Variants in CSF1R observed in about 807,000 individuals in gnomAD.
CSF1R encodes the protein colony stimulating factor 1 receptor, also known as macrophage colony-stimulating factor 1 receptor.
In CSF1R, 40 loss-of-function variants were observed where a neutral mutation model predicts 110.0. The observed-to-expected ratio is 0.36, with a 90% confidence interval of 0.28 to 0.47. CSF1R has a LOEUF of 0.47. Among genes scored for constraint, CSF1R ranks in the 20% least tolerant of loss-of-function variants. The pLI is 0.99. For synonymous variants in CSF1R, 523 were observed against 503.4 expected (o/e 1.04, Z -0.52); for missense variants, 1,052 against 1,253.0 (o/e 0.84, Z 2.42).
chr5:150,054,700 T>TC, intron 19 of CSF1R: 1 of 410,764 alleles, frequency 2.4e-6, no homozygotes, highest in Non-Finnish European at 4.3e-6. Flanking sequence ...TAAAAGTCTG[T>TC]TTAGGGACAG....
intron 10 of CSF1R, among the ~76,000 whole-genome samples, chr5:150,067,779 C>A (rs566937593): frequency 6.6e-6 from 1 of 152,192 alleles, no homozygotes; most frequent in Non-Finnish European, 1.5e-5. Flanking sequence ...GACAGGATCC[C>A]AGGGCTGCGC....
intron 6 of CSF1R, among the ~76,000 whole-genome samples, chr5:150,071,832 T>TGGCCAGAAAG (rs1000634351): frequency 2.0e-5 from 3 of 152,188 alleles, no homozygotes; most frequent in African/African-American, 7.2e-5. Flanking sequence ...GACAGAGACC[T>TGGCCAGAAAG]GGCCAGAAAG....
At chr5:150,066,294 C>G (rs1561919678) in intron 10 of CSF1R, among the ~76,000 whole-genome samples, 1 of 152,194 alleles carries the variant, frequency 6.6e-6, no homozygotes, top group African/African-American at 2.4e-5. Flanking sequence ...TCCCTCACAA[C>G]AGGCTGTTAA....
intron 18 of CSF1R, 69 bp from the exon 19 acceptor site, chr5:150,055,405 C>T (rs1258899297): frequency 4.6e-6 from 6 of 1,318,266 alleles, no homozygotes; most frequent in Non-Finnish European, 6.6e-6. Context: ...CACCCACACA[C>T]ATCTTAGACT....
chr5:150,055,926 A>G (rs910748577), intron 18 of CSF1R, 100 bp downstream of exon 18: 271 of 1,087,108 alleles, frequency 2.5e-4, no homozygotes, highest in Non-Finnish European at 3.5e-4. Flanking sequence ...CACTCTCACC[A>G]ACCCTCGCTG....
intron 1 of CSF1R, among the ~76,000 whole-genome samples, chr5:150,102,174 A>G (rs1759422813): frequency 6.6e-6 from 1 of 152,152 alleles, no homozygotes; most frequent in Admixed American, 6.5e-5. Context: ...GCCGGGTCAA[A>G]GGGTAGGTAC....
intron 1 of CSF1R, among the ~76,000 whole-genome samples, chr5:150,103,634 G>A (rs1759466580): frequency 6.6e-6 from 1 of 152,236 alleles, no homozygotes; most frequent in Non-Finnish European, 1.5e-5. Flanking sequence ...GGGAACAGAA[G>A]ATGGAGAGTC....
At chr5:150,105,209 G>T (rs1266059305) in intron 1 of CSF1R, among the ~76,000 whole-genome samples, 1 of 148,978 alleles carries the variant, frequency 6.7e-6, no homozygotes, top group Admixed American at 6.6e-5. Context: ...TCAGCCAGGC[G>T]TGGTGGCACG....
rs377406801 is a variant in CSF1R, at chr5:150,077,370, G to T, written c.795C>A (p.Leu265=). ...NRYQKVLTLN[L]DQVDFQHAGN... is the part of the protein sequence containing the mutation. Reference sequence around the variant, plus strand: ...CGGCATGTTGGAAATCTACTTGATCGAGGTTGAGGGTCAGGACTTTTTGGT... The same window carrying T: ...CGGCATGTTGGAAATCTACTTGATCTAGGTTGAGGGTCAGGACTTTTTGGT... The change falls in exon 5 of 21, where the codon CTC becomes CTA. Residue 265 remains leucine (L), a synonymous_variant. Coordinates refer to ENST00000675795, the MANE Select transcript of CSF1R (RefSeq NM_001288705.3). 6.2e-7 allele frequency: 1 copy of T among 1,614,196 alleles called. No homozygotes were observed. The highest frequency in any genetic ancestry group is 1.7e-5 in the Admixed American group (1 of 60,022).
At chr5:150,102,073 T>C (rs1220465158) in intron 1 of CSF1R, among the ~76,000 whole-genome samples, 1 of 152,188 alleles carries the variant, frequency 6.6e-6, no homozygotes, top group African/African-American at 2.4e-5. Context: ...TTTTTCTCCA[T>C]TGCAAACAAT....
intron 1 of CSF1R, chr5:150,094,350 A>G: frequency 6.2e-7 from 1 of 1,600,056 alleles, no homozygotes; most frequent in South Asian, 1.1e-5. Flanking sequence ...TGTGCCAGAA[A>G]CCCTTAAGAA....
intron 1 of CSF1R, among the ~76,000 whole-genome samples, chr5:150,103,789 T>G (rs1014313810): frequency 6.6e-6 from 1 of 151,006 alleles, no homozygotes; most frequent in African/African-American, 2.4e-5. Flanking sequence ...CCAACCAGAG[T>G]GTGAAGGAAT....
upstream of CSF1R, among the ~76,000 whole-genome samples, chr5:150,090,678 G>A (rs1049994646): frequency 6.6e-6 from 1 of 152,082 alleles, no homozygotes; most frequent in African/African-American, 2.4e-5. Flanking sequence ...AATGAAAGTT[G>A]TAGTGTTGCC....
chr5:150,083,393 CA>C (rs1758647782), intron 1 of CSF1R, among the ~76,000 whole-genome samples: 1 of 148,664 alleles, frequency 6.7e-6, no homozygotes, highest in African/African-American at 2.6e-5. Context: ...CACACACACA[CA>C]CACACACTGC....
At chr5:150,107,352 G>C (rs1217185377) in intron 1 of CSF1R, among the ~76,000 whole-genome samples, 1 of 152,254 alleles carries the variant, frequency 6.6e-6, no homozygotes, top group Non-Finnish European at 1.5e-5. Context: ...TGGAACCTTT[G>C]AGACTGGAAG....
rs186738088 is a variant in CSF1R, at chr5:150,064,201, G to T, written c.1627-2352C>A. ...AGGGTTGAAAAACTATGGGAGCTAT[G>T]CTCAGTAGCAGGTGATGGGATCCAT... On this transcript the variant is annotated intron_variant, in intron 10 of 20. Transcript: ENST00000675795. 1.2e-4 allele frequency among the ~76,000 whole-genome samples: 19 copies of T among 152,330 alleles called. No homozygotes were observed. The East Asian group carries it at 3.1e-3, about 25-fold the overall frequency.
In CSF1R at chr5:150,061,835, C is replaced by T. The variant is rs1484013873; in HGVS notation, c.1641G>A (p.Gln547=). ...LYKYKQKPKY[Q]VRWKIIESYE... is the part of the protein sequence containing the mutation. ...AGCTCTCGATGATCTTCCAGCGGAC[C>T]TGGTACTTGGGCTTCTGCAGAAGAG... Residue 547 remains glutamine (Q), a synonymous_variant, in exon 11 of 21, where the codon CAG becomes CAA. Transcript: ENST00000675795. 6.2e-7 allele frequency: 1 copy of T among 1,614,156 alleles called. No individual in the cohort carries two copies. The highest frequency in any genetic ancestry group is 1.7e-5 in the Admixed American group (1 of 60,026).
chr5:150,077,051 A>T (rs985909511), intron 5 of CSF1R: 1 of 603,988 alleles, frequency 1.7e-6, no homozygotes, highest in Non-Finnish European at 2.9e-6. Context: ...GGTGCACCCA[A>T]TGCAGCCATG....
rs1581310496 is a variant in CSF1R, at chr5:150,072,503, A to G, written c.1082+798T>C. On this transcript the variant is annotated intron_variant, in intron 6 of 20. Coordinates refer to ENST00000675795, the MANE Select transcript of CSF1R (RefSeq NM_001288705.3). ...AACTCCATCTAAAAAAAATAATAAA[A>G]AGAAAGAAAAGAAGGAACTATTTTA... Among the ~76,000 whole-genome samples the G allele has an allele frequency of 2.0e-5, 3 of 152,230 alleles. No individual in the cohort carries two copies. In the South Asian group the frequency reaches 6.2e-4, roughly 32 times the overall value.
Sources: allele counts gnomAD v4.1 joint callset (sites outside exome capture counted in the v4.1 genomes callset), GRCh38; gene constraint gnomAD v4.1.1; transcripts MANE v1.5; gene names NCBI Gene and HGNC (gene_info 2026-07-23, HGNC 2026-07-21).